The following SLAMF1 variants were observed in gnomAD, a reference collection of about 807,000 sequenced individuals.
SLAMF1 encodes the protein signaling lymphocytic activation molecule family member 1, also known as signaling lymphocytic activation molecule.
Under a neutral mutation model 35.1 loss-of-function variants are expected in SLAMF1, and 18 were observed. That is an observed-to-expected ratio of 0.51 (90% CI 0.35 to 0.76). The LOEUF is 0.76. Ranked by LOEUF, SLAMF1 falls within the 30% of genes least tolerant of loss-of-function variation. The pLI is 0.01. For synonymous variants in SLAMF1, 168 were observed against 157.2 expected, an observed-to-expected ratio of 1.07 and a Z score of -0.51; for missense variants, 392 against 413.0, an observed-to-expected ratio of 0.95 and a Z score of 0.44.
At chr1:160,611,380 C>T (rs1357175898) in intron 6 of SLAMF1, among the ~76,000 whole-genome samples, 1 of 152,130 alleles carries the variant, frequency 6.6e-6, no homozygotes, top group Non-Finnish European at 1.5e-5. Context: ...TTTTTTGAAG[C>T]TTTGAAGTCA....
At chr1:160,638,116 T>C (rs776346780) in intron 1 of SLAMF1, among the ~76,000 whole-genome samples, 1 of 151,902 alleles carries the variant, frequency 6.6e-6, no homozygotes, top group Non-Finnish European at 1.5e-5. Flanking sequence ...GATATTACTG[T>C]ATTTCTCTTT....
intron 3 of SLAMF1, among the ~76,000 whole-genome samples, chr1:160,630,990 A>C (rs899061499): frequency 6.6e-6 from 1 of 151,706 alleles, no homozygotes; most frequent in Non-Finnish European, 1.5e-5. Context: ...GTTGCCTTGC[A>C]TATATTTCCA....
chr1:160,640,145 T>C (rs1347724345), intron 1 of SLAMF1, among the ~76,000 whole-genome samples: 2 of 151,748 alleles, frequency 1.3e-5, no homozygotes, highest in Non-Finnish European at 2.9e-5. Flanking sequence ...TCTCTCCCAC[T>C]AGAATGCAAA....
chr1:160,611,316 A>G (rs1041686395), intron 6 of SLAMF1, among the ~76,000 whole-genome samples: 1 of 152,232 alleles, frequency 6.6e-6, no homozygotes, highest in Admixed American at 6.5e-5. Flanking sequence ...ATAAAATGTT[A>G]ACTATAGCAT....
Position 160,646,916 on chromosome 1 carries a change from G to A in SLAMF1, c.30C>T (p.Thr10=), listed in dbSNP as rs1168773350. ...AAGCCAGGGAGAGAAACAGCACGAA[G>A]GTCAAGGAGAGGAGCCCCTTGGGAT... is the stretch of plus-strand genomic sequence containing the variant. MDPKGLLSL[T]FVLFLSLAFG... is the part of the protein sequence containing the mutation. Residue 10 remains threonine (T), a synonymous_variant, in exon 1 of 7, where the codon ACC becomes ACT. Coordinates refer to ENST00000302035, the MANE Select transcript of SLAMF1 (RefSeq NM_003037.5). The A allele has an allele frequency of 6.2e-7, 1 of 1,606,988 alleles. No individual in the cohort carries two copies. The highest frequency in any genetic ancestry group is 1.3e-5 in the African/African-American group (1 of 74,934).
intron 1 of SLAMF1, among the ~76,000 whole-genome samples, chr1:160,645,677 G>A (rs1201865310): frequency 6.6e-6 from 1 of 152,184 alleles, no homozygotes; most frequent in Non-Finnish European, 1.5e-5. Flanking sequence ...CACTTAAAGT[G>A]GCTCGATTTG....
intron 4 of SLAMF1, among the ~76,000 whole-genome samples, chr1:160,623,192 A>G (rs1293081369): frequency 6.6e-6 from 1 of 152,152 alleles, no homozygotes; most frequent in Non-Finnish European, 1.5e-5. Flanking sequence ...CAGTTTTCTC[A>G]TCCTGGGTCA....
At chr1:160,636,698 G>A (rs912246643) in intron 2 of SLAMF1, among the ~76,000 whole-genome samples, 2 of 152,242 alleles carry the variant, frequency 1.3e-5, no homozygotes, top group Non-Finnish European at 2.9e-5. Flanking sequence ...AACAAGTGGT[G>A]TGTGGGCTGA....
rs764585805 is a variant in SLAMF1, at chr1:160,634,746, G to A, written c.567C>T (p.Asn189=). The change falls in exon 3 of 7, where the codon AAC becomes AAT. Residue 189 remains asparagine, a synonymous_variant. Coordinates refer to ENST00000302035, the MANE Select transcript of SLAMF1 (RefSeq NM_003037.5). Reference sequence around the variant, plus strand: ...GGGTGAGGGACAGGAGGTGGGAGCTGTTGGCTGGGTTCAGTGGGTGGGTGC... The same window carrying A: ...GGGTGAGGGACAGGAGGTGGGAGCTATTGGCTGGGTTCAGTGGGTGGGTGC... ...KAGTHPLNPA[N]SSHLLSLTLG... 4.3e-6 allele frequency: 7 copies of A among 1,614,076 alleles called. No individual in the cohort carries two copies. In the South Asian group the frequency reaches 6.6e-5, roughly 15 times the overall value.
At position 160,637,062 on chromosome 1, in the gene SLAMF1, C is replaced by T. The variant is rs537106340; in HGVS notation, c.415+129G>A. ...TCTTCCATGCAGCAGGTTTAAATAC[C>T]CCCAAACTAGAAGATCATTCTAGTT... On this transcript the variant is annotated intron_variant, in intron 2 of 6. Coordinates refer to ENST00000302035, the MANE Select transcript of SLAMF1 (RefSeq NM_003037.5). 1.5e-4 allele frequency: 100 copies of T among 657,512 alleles called. No homozygotes were observed. In the African/African-American group the frequency reaches 1.7e-3, roughly 11 times the overall value. The allele number at this position is 657,512 out of a possible 1,614,324, so 40.7% of individuals were successfully genotyped here.
Position 160,619,821 on chromosome 1 carries a change from C to T in SLAMF1, c.819G>A (p.Val273=). The change falls in exon 5 of 7, where the codon GTG becomes GTA. Residue 273 remains valine (V), a synonymous_variant. Coordinates refer to ENST00000302035, the MANE Select transcript of SLAMF1 (RefSeq NM_003037.5). ...RGKTNHYQTT[V]EKKSLTIYAQ... ...CATAGATCGTAAGGCTTTTTTTTTC[C>T]ACTGTTGTCTGGTAATGGTTCGTTT... The T allele has an allele frequency of 6.2e-7, 1 of 1,612,152 alleles. No individual in the cohort carries two copies. Among genetic ancestry groups the T allele is most frequent in the South Asian group, 1.1e-5 (1 of 91,038 alleles).
intron 3 of SLAMF1, among the ~76,000 whole-genome samples, chr1:160,627,303 A>G (rs765224417): frequency 2.6e-5 from 4 of 152,252 alleles, no homozygotes; most frequent in Non-Finnish European, 5.9e-5. Context: ...TACTTCTGCT[A>G]GCCTCAATTC....
At position 160,609,171 on chromosome 1, in the gene SLAMF1, A is replaced by C. The variant is rs1658847804; in HGVS notation, c.*1577T>G. The stretch of plus-strand genomic sequence containing the variant: ...CTAGTGCTGGGGACAGTGGCTGTGC[A>C]TGAACAGGATCATCATCCCTGGGCT... On this transcript the variant is annotated 3_prime_UTR_variant, in exon 7 of 7. Transcript: ENST00000302035. 6.6e-6 allele frequency: 1 copy of C among 152,282 alleles called. No individual in the cohort carries two copies. The highest frequency in any genetic ancestry group is 2.4e-5 in the African/African-American group (1 of 41,456). The allele number at this position is 152,282 out of a possible 1,614,324, so 9.4% of individuals were successfully genotyped here.
chr1:160,634,570 A>T (rs1344031822), intron 3 of SLAMF1, 43 bp downstream of exon 3: 1 of 1,542,032 alleles, frequency 6.5e-7, no homozygotes, highest in Non-Finnish European at 8.8e-7. Context: ...GACTGAGCCC[A>T]TGCTCATTAA....
chr1:160,621,037 AT>A (rs1419038494), intron 4 of SLAMF1, among the ~76,000 whole-genome samples: 1 of 152,192 alleles, frequency 6.6e-6, no homozygotes, highest in Non-Finnish European at 1.5e-5. Context: ...CTTAAAATGT[AT>A]TGAGGACATT....
chr1:160,635,690 G>A (rs1399408048), intron 2 of SLAMF1, among the ~76,000 whole-genome samples: 5 of 150,316 alleles, frequency 3.3e-5, no homozygotes, highest in African/African-American at 1.2e-4. Flanking sequence ...TCCTGCCTCA[G>A]CCTCCCGAGT....
chr1:160,613,033 A>G (rs1396914586), intron 5 of SLAMF1, among the ~76,000 whole-genome samples: 1 of 152,132 alleles, frequency 6.6e-6, no homozygotes, highest in Non-Finnish European at 1.5e-5. Context: ...TTGCCTCACA[A>G]CCACTCTGTG....
chr1:160,613,283 C>T (rs1055189588), intron 5 of SLAMF1, among the ~76,000 whole-genome samples: 3 of 152,192 alleles, frequency 2.0e-5, no homozygotes, highest in Admixed American at 2.0e-4. Context: ...CTTTATGGCA[C>T]TCTATGCTAT....
At chr1:160,643,822 T>G (rs1175059850) in intron 1 of SLAMF1, among the ~76,000 whole-genome samples, 1 of 152,228 alleles carries the variant, frequency 6.6e-6, no homozygotes, top group Non-Finnish European at 1.5e-5. Context: ...TTGTTAACTA[T>G]AGTCACCGTA....
Sources: allele counts gnomAD v4.1 joint callset (sites outside exome capture counted in the v4.1 genomes callset), GRCh38; gene constraint gnomAD v4.1.1; transcripts MANE v1.5; gene names NCBI Gene and HGNC (gene_info 2026-07-23, HGNC 2026-07-21).